WDR88: variants seen among roughly 807,000 people sequenced by gnomAD.
WDR88 encodes the protein WD repeat-containing protein 88.
WDR88 carries 40 observed loss-of-function variants against 46.8 expected under a neutral mutation model. That is an observed-to-expected ratio of 0.86 (90% CI 0.66 to 1.11). The LOEUF (loss-of-function observed/expected upper bound fraction) is 1.11. Ranked by LOEUF, WDR88 falls within the 50% of genes most tolerant of loss-of-function variation. WDR88 has a pLI of 0.00. For missense variants in WDR88, 562 were observed against 602.4 expected (o/e 0.93, Z 0.70); for synonymous variants, 235 against 240.7 (o/e 0.98, Z 0.22).
chr19:33,154,092 T>C (rs1284461670), intron 6 of WDR88, among the ~76,000 whole-genome samples: 1 of 152,184 alleles, frequency 6.6e-6, no homozygotes, highest in Non-Finnish European at 1.5e-5. Flanking sequence ...TTCCCCAAAC[T>C]TCTGTACAGG....
rs1973136306 is a variant in WDR88 at position 33,132,149 on chromosome 19, A to G, written c.-21A>G. ...TTCCCATCCAGGCTTGTCGGCGGCC[A>G]CCGGCGGACCGGGCTTCGAGATGGC... On this transcript the variant is annotated 5_prime_UTR_variant, in exon 1 of 11. Coordinates refer to ENST00000355868, the MANE Select transcript of WDR88 (RefSeq NM_173479.4). The G allele has an allele frequency of 3.2e-6, 5 of 1,569,574 alleles. No individual in the cohort carries two copies. The highest frequency in any genetic ancestry group is 4.3e-6 in the Non-Finnish European group (5 of 1,161,886).
intron 2 of WDR88, among the ~76,000 whole-genome samples, chr19:33,138,151 C>T (rs1395921974): frequency 1.3e-5 from 2 of 151,972 alleles, no homozygotes; most frequent in East Asian, 3.9e-4. Context: ...ATTCTGCTGC[C>T]TCAGCCTCCC....
chr19:33,143,970 C>T (rs1973455703), intron 2 of WDR88, among the ~76,000 whole-genome samples: 1 of 152,164 alleles, frequency 6.6e-6, no homozygotes, highest in Non-Finnish European at 1.5e-5. Context: ...CAGTATTTCC[C>T]CTTTAAATTG....
At chr19:33,164,597 T>C (rs577768378) in intron 9 of WDR88, among the ~76,000 whole-genome samples, 2 of 152,228 alleles carry the variant, frequency 1.3e-5, no homozygotes, top group South Asian at 4.1e-4. Context: ...CTGCCCAAGG[T>C]CCGGGGGGGT....
intron 10 of WDR88, chr19:33,174,648 G>A (rs1393607397): frequency 3.0e-6 from 3 of 985,310 alleles, no homozygotes; most frequent in Non-Finnish European, 3.6e-6. Flanking sequence ...TTGCCTACTT[G>A]CGTCTCATGG....
At chr19:33,145,317 C>G (rs1568362151) in intron 3 of WDR88, among the ~76,000 whole-genome samples, 3 of 151,766 alleles carry the variant, frequency 2.0e-5, no homozygotes, top group African/African-American at 7.3e-5. Context: ...CCACACCTGG[C>G]TAATTTTTGT....
intron 1 of WDR88, among the ~76,000 whole-genome samples, chr19:33,137,229 G>A (rs1023133668): frequency 6.7e-6 from 1 of 148,950 alleles, no homozygotes; most frequent in Non-Finnish European, 1.5e-5. Context: ...TGGGATTACA[G>A]GGATGAGCCA....
intron 2 of WDR88, among the ~76,000 whole-genome samples, chr19:33,144,194 A>G (rs1030703040): frequency 4.6e-5 from 7 of 152,094 alleles, no homozygotes; most frequent in Admixed American, 3.9e-4. Flanking sequence ...CCACAACCCA[A>G]GACGATCATT....
chr19:33,154,784 G>A (rs896578127), intron 6 of WDR88, among the ~76,000 whole-genome samples: 1 of 152,144 alleles, frequency 6.6e-6, no homozygotes, highest in African/African-American at 2.4e-5. Context: ...TCCATGATAT[G>A]CCAGCATGGT....
intron 9 of WDR88, among the ~76,000 whole-genome samples, chr19:33,166,285 A>G (rs1034158193): frequency 3.9e-5 from 5 of 127,880 alleles, no homozygotes; most frequent in African/African-American, 1.7e-4. Context: ...GTGGTCTCAA[A>G]AAAAAAAAAA....
At chr19:33,148,651 C>A in intron 4 of WDR88, 121 bp from the exon 5 acceptor site, 1 of 1,202,510 alleles carries the variant, frequency 8.3e-7, no homozygotes, top group Non-Finnish European at 1.2e-6. Context: ...GTTTCCCAGG[C>A]TAGTCTCAGG....
chr19:33,157,539 ATG>A (rs1482050464), intron 7 of WDR88, among the ~76,000 whole-genome samples: 2 of 102,050 alleles, frequency 2.0e-5, no homozygotes, highest in African/African-American at 1.4e-4. Flanking sequence ...ATATATATAT[ATG>A]TATATATATG....
chr19:33,141,761 A>G (rs1599883638), intron 2 of WDR88, among the ~76,000 whole-genome samples: 1 of 151,814 alleles, frequency 6.6e-6, no homozygotes, highest in Non-Finnish European at 1.5e-5. Context: ...GCTCACTGCA[A>G]CCTCTGCCTC....
chr19:33,175,321 G>A, intron 10 of WDR88, 75 bp from the exon 11 acceptor site: 1 of 1,471,324 alleles, frequency 6.8e-7, no homozygotes, highest in South Asian at 1.2e-5. Flanking sequence ...AGGTAGCTGG[G>A]AGAATTCTAA....
At chr19:33,162,182 T>C (rs576902484) in intron 8 of WDR88, among the ~76,000 whole-genome samples, 1 of 152,264 alleles carries the variant, frequency 6.6e-6, no homozygotes, top group African/African-American at 2.4e-5. Context: ...ATGGCAGCTA[T>C]CTGCTCTGAG....
chr19:33,132,599 T>A lies in WDR88; in HGVS notation c.276+154T>A, dbSNP rs140512471. 1.3e-3 allele frequency among the ~76,000 whole-genome samples: 204 copies of A among 152,260 alleles called. 1 individual carries two copies. The highest frequency in any genetic ancestry group is 3.2e-3 in the African/African-American group (133 of 41,552). ...CATTTCCCCATCTGTGGTACATCTG[T>A]GGGCAAAGGTCAGACCCACCTGAGC... On this transcript the variant is annotated intron_variant, in intron 1 of 10. Coordinates refer to ENST00000355868, the MANE Select transcript of WDR88 (RefSeq NM_173479.4).
chr19:33,136,433 C>T (rs186623264), intron 1 of WDR88, among the ~76,000 whole-genome samples: 4 of 152,040 alleles, frequency 2.6e-5, no homozygotes, highest in South Asian at 2.1e-4. Flanking sequence ...TCAGGTGATC[C>T]GCCTGCCTCG....
At position 33,175,623 on chromosome 19, in the gene WDR88, G is replaced by T. The variant is rs1263514201; in HGVS notation, c.*51G>T. On this transcript the variant is annotated 3_prime_UTR_variant, in exon 11 of 11. Coordinates refer to ENST00000355868, the MANE Select transcript of WDR88 (RefSeq NM_173479.4). ...CCAGCACAGGCTACCTAGCATGTAGGTTTCGGGGCTTTGCAGGGGCTTTCT... is the reference window on the plus strand; with the variant it reads ...CCAGCACAGGCTACCTAGCATGTAGTTTTCGGGGCTTTGCAGGGGCTTTCT... 1 of 1,604,552 alleles carries T rather than the reference G, an allele frequency of 6.2e-7. No individual in the cohort carries two copies. The highest frequency in any genetic ancestry group is 1.3e-5 in the African/African-American group (1 of 74,726).
Position 33,145,243 on chromosome 19 carries a change from C to A in WDR88, c.476+311C>A, listed in dbSNP as rs550283527. Among the ~76,000 whole-genome samples the A allele has an allele frequency of 2.0e-5, 3 of 152,024 alleles. No homozygotes were observed. The South Asian group carries it at 6.2e-4, about 32-fold the overall frequency. On this transcript the variant is annotated intron_variant, in intron 3 of 10. Transcript: ENST00000355868. ...AAACATGGCTCACTGAAGCCATGGA[C>A]TCCTGGGCTCAGTGATCCTCTTGCC...
Sources: allele counts gnomAD v4.1 joint callset (sites outside exome capture counted in the v4.1 genomes callset), GRCh38; gene constraint gnomAD v4.1.1; transcripts MANE v1.5; gene names NCBI Gene and HGNC (gene_info 2026-07-23, HGNC 2026-07-21).